Variants in KRT3 observed in about 807,000 individuals in gnomAD.
KRT3 encodes keratin 3, also known as keratin, type II cytoskeletal 3.
A neutral mutation model predicts 45.8 loss-of-function variants in KRT3; 34 were observed. The ratio of observed to expected loss-of-function variants is 0.74; its 90% CI spans 0.57 to 0.99. The LOEUF is 0.99. KRT3 is among the 50% of genes least tolerant of loss of function. The pLI is 0.00. For synonymous variants in KRT3, 367 were observed against 329.0 expected (o/e 1.12, Z -1.25); for missense variants, 828 against 820.6 (o/e 1.01, Z -0.11).
At position 52,792,351 on chromosome 12, in the gene KRT3, A is replaced by C; in HGVS notation, c.1076T>G (p.Met359Arg). ...CAGGTCCAGGGAGCGATTATTGTCC[A>C]TGGACAGCACCACAGATGTGTCACT... ...HISDTSVVLS[M>R]DNNRSLDLDS... The change falls in exon 5 of 9, where the codon ATG becomes AGG. Residue 359 changes from methionine (M) to arginine (R), a missense_variant. By Grantham distance (91) the Met-to-Arg change is moderately conservative. Coordinates refer to ENST00000417996, the MANE Select transcript of KRT3 (RefSeq NM_057088.3). 6.2e-7 allele frequency: 1 copy of C among 1,613,628 alleles called. No individual in the cohort carries two copies. Among genetic ancestry groups the C allele is most frequent in the Non-Finnish European group, 8.5e-7 (1 of 1,179,502 alleles).
intron 6 of KRT3, 102 bp from the exon 7 acceptor site, chr12:52,791,528 C>G (rs1939502503): frequency 6.9e-7 from 1 of 1,444,418 alleles, no homozygotes; most frequent in Non-Finnish European, 9.5e-7. Context: ...AACATTCCTC[C>G]TCCCCTAGTG....
chr12:52,795,874 G>C lies in KRT3; in HGVS notation c.169C>G (p.Leu57Val). 6.2e-7 allele frequency: 1 copy of C among 1,614,110 alleles called. No homozygotes were observed. ...SGAGGFGSRS[L>V]YNLGGNKSIS... ...CTCTTGTTGCCGCCCAGGTTGTAGAGGCTGCGACTGCCAAAGCCACCTGCT... is the reference window on the plus strand; with the variant it reads ...CTCTTGTTGCCGCCCAGGTTGTAGACGCTGCGACTGCCAAAGCCACCTGCT... The change falls in exon 1 of 9, where the codon CTC (leucine) becomes GTC (valine). Residue 57 changes from leucine (L) to valine (V), a missense_variant. Transcript: ENST00000417996.
At position 52,795,580 on chromosome 12, in the gene KRT3, A is replaced by G. The variant is rs760924598; in HGVS notation, c.463T>C (p.Leu155=). 1.9e-6 allele frequency: 3 copies of G among 1,607,332 alleles called. No individual in the cohort carries two copies. Among genetic ancestry groups the G allele is most frequent in the Non-Finnish European group, 2.5e-6 (3 of 1,176,512 alleles). The change falls in exon 1 of 9, where the codon TTG becomes CTG. Residue 155 remains leucine (L), a synonymous_variant. Coordinates refer to ENST00000417996, the MANE Select transcript of KRT3 (RefSeq NM_057088.3). ...GGGCCAAAGCCACCAGGACTGCCCA[A>G]GCTGCCAGGCCCACCAAAGCCACCA... ...GSGGFGGPGS[L]GSPGGFGPGG...
Position 52,789,781 on chromosome 12 carries a change from G to C in KRT3, c.*261C>G. ...TGTAGTGAGCATCCCACCCAGGGAG[G>C]GGACTCCGGGGCAGCAGAAGGTGGC... On this transcript the variant is annotated 3_prime_UTR_variant, in exon 9 of 9. Transcript: ENST00000417996. 1 of 602,596 alleles carries C rather than the reference G, an allele frequency of 1.7e-6. No individual in the cohort carries two copies. Among genetic ancestry groups the C allele is most frequent in the Non-Finnish European group, 2.9e-6 (1 of 339,590 alleles). 37.3% of individuals were successfully genotyped at this position (602,596 alleles called of 1,614,324 possible).
chr12:52,793,105 C>T, intron 3 of KRT3, 58 bp downstream of exon 3: 1 of 1,437,156 alleles, frequency 7.0e-7, no homozygotes, highest in Non-Finnish European at 9.7e-7. Flanking sequence ...GGAGATTCCC[C>T]CAACCCAGCC....
rs745496612 is a variant in KRT3 at position 52,790,367 on chromosome 12, G to A, written c.1571-9C>T. 1.8e-5 allele frequency: 29 copies of A among 1,590,966 alleles called. No individual in the cohort carries two copies. In the South Asian group the frequency reaches 3.1e-4, roughly 17 times the overall value. ...GCTGCTGCTGACCACGGCTGTGGGG[G>A]AGAGGACAGGACAGCGATCAGCGAC... On this transcript the variant is annotated splice_polypyrimidine_tract_variant and intron_variant, in intron 8 of 8. Coordinates refer to ENST00000417996, the MANE Select transcript of KRT3 (RefSeq NM_057088.3).
Position 52,792,888 on chromosome 12 carries a change from G to A in KRT3, c.928-82C>T. On this transcript the variant is annotated intron_variant, in intron 3 of 8. Transcript: ENST00000417996. ...AACTGCAGCAAGAAAGAGCAGAGGG[G>A]ACTGGTGCAGTGATGGTCCTTGTCT... 3.3e-6 allele frequency: 3 copies of A among 910,148 alleles called. No homozygotes were observed. The South Asian group carries it at 4.3e-5, about 13-fold the overall frequency. The allele number at this position is 910,148 out of a possible 1,614,324, so 56.4% of individuals were successfully genotyped here. A position where few individuals can be genotyped will look rare whatever the true frequency, so the allele number is the denominator to read the frequency against.
intron 8 of KRT3, 119 bp from the exon 9 acceptor site, chr12:52,790,477 G>A (rs1939467131): frequency 6.0e-6 from 6 of 999,534 alleles, no homozygotes. Context: ...CTTTGCACAG[G>A]ATGTTCACCA....
Position 52,795,509 on chromosome 12 carries a change from ACT to A in KRT3, c.532_533del (p.Leu179ProfsTer35). On this transcript the variant is annotated frameshift_variant, in exon 1 of 9. Coordinates refer to ENST00000417996, the MANE Select transcript of KRT3 (RefSeq NM_057088.3). LOFTEE classifies it high-confidence loss of function. Reference sequence around the variant, plus strand: ...TCTCCACATTGAGGGGCTGCAGGAGACTCTGGTTGATAGTCACTTCCTGAATT... The same window carrying A: ...TCTCCACATTGAGGGGCTGCAGGAGACTGGTTGATAGTCACTTCCTGAATT... ...GGIQEVTINQ[S>X]LLQPLNVEID... The A allele has an allele frequency of 6.2e-7, 1 of 1,613,720 alleles. No individual in the cohort carries two copies. Among genetic ancestry groups the A allele is most frequent in the Non-Finnish European group, 8.5e-7 (1 of 1,179,914 alleles).
rs771537722 is a variant in KRT3, at chr12:52,791,728, T to C, written c.1277A>G (p.Gln426Arg). ...ACCCTCGATCTCTGCCCGCAGCCTC[T>C]GGATCATTCTGTTGAGCTCTATGAT... ...SEIIELNRMI[Q>R]RLRAEIEGVK... is the part of the protein sequence containing the mutation. Residue 426 changes from glutamine (Q) to arginine (R), a missense_variant, in exon 6 of 9, where the codon CAG becomes CGG. Transcript: ENST00000417996. 1 of 1,614,142 alleles carries C rather than the reference T, an allele frequency of 6.2e-7. No individual in the cohort carries two copies. Among genetic ancestry groups the C allele is most frequent in the East Asian group, 2.2e-5 (1 of 44,882 alleles).
At chr12:52,795,350 T>C in intron 1 of KRT3, 48 bp downstream of exon 1, 2 of 1,610,012 alleles carry the variant, frequency 1.2e-6, no homozygotes, top group Non-Finnish European at 1.7e-6. Flanking sequence ...AAAGGTCAAA[T>C]TCAAAGTCCC....
At chr12:52,792,649 A>G in intron 4 of KRT3, 62 bp downstream of exon 4, 1 of 1,269,168 alleles carries the variant, frequency 7.9e-7, no homozygotes, top group Non-Finnish European at 1.2e-6. Flanking sequence ...AAAATGCACC[A>G]GCCTCAAATC....
Position 52,795,491 on chromosome 12 carries a change from A to G in KRT3, c.552T>C (p.Asn184=). The G allele has an allele frequency of 1.2e-6, 2 of 1,614,104 alleles. No individual in the cohort carries two copies. Among genetic ancestry groups the G allele is most frequent in the Non-Finnish European group, 8.5e-7 (1 of 1,180,034 alleles). The change falls in exon 1 of 9, where the codon AAT becomes AAC. Residue 184 remains asparagine, a synonymous_variant. Coordinates refer to ENST00000417996, the MANE Select transcript of KRT3 (RefSeq NM_057088.3). ...GCCCAATCTGGGGGTCGATCTCCAC[A>G]TTGAGGGGCTGCAGGAGACTCTGGT... is the stretch of plus-strand genomic sequence containing the variant. ...TINQSLLQPL[N]VEIDPQIGQV...
In KRT3 at chr12:52,791,418, G is replaced by A. The variant is rs960427199; in HGVS notation, c.1323C>T (p.Asn441=). ...CGGCCTCGGCAATGGCCGTCTGCAG[G>A]TTGGCATTCTGGGGCAAGGGAGGTA... ...EIEGVKKQNA[N]LQTAIAEAEQ... The change falls in exon 7 of 9, where the codon AAC becomes AAT. Residue 441 remains asparagine (N), a synonymous_variant. Transcript: ENST00000417996. The A allele has an allele frequency of 2.2e-5, 35 of 1,614,044 alleles. No individual in the cohort carries two copies. The highest frequency in any genetic ancestry group is 2.7e-5 in the Non-Finnish European group (32 of 1,179,996).
rs932355450 is a variant in KRT3, at chr12:52,794,164, G to A, written c.813C>T (p.Arg271=). ...CCATGTTCTTCAGCTCAGAGTCCAG[G>A]CGCCCTCTCTCCCCGAGGATGTTGT... The part of the protein sequence containing the change: ...YLDNILGERG[R]LDSELKNMED... Residue 271 remains arginine (R), a synonymous_variant, in exon 2 of 9, where the codon CGC becomes CGT. Transcript: ENST00000417996. 2 of 1,614,048 alleles carry A rather than the reference G, an allele frequency of 1.2e-6. No individual in the cohort carries two copies. The highest frequency in any genetic ancestry group is 1.3e-5 in the African/African-American group (1 of 74,924).
rs771637745 is a variant in KRT3 at position 52,794,323 on chromosome 12, G to A, written c.654C>T (p.Phe218=). 3.1e-6 allele frequency: 5 copies of A among 1,613,386 alleles called. No individual in the cohort carries two copies. In the Admixed American group the frequency reaches 6.7e-5, roughly 22 times the overall value. Residue 218 remains phenylalanine (F), a synonymous_variant, in exon 2 of 9, where the codon TTC becomes TTT. Transcript: ENST00000417996. ...KFASFIDKVR[F]LEQQNKVLET... is the part of the protein sequence containing the mutation. Reference sequence around the variant, plus strand: ...CCAGGACTTTGTTCTGTTGCTCCAGGAACCGCACCTGCAATGGTTGCAGGA... The same window carrying A: ...CCAGGACTTTGTTCTGTTGCTCCAGAAACCGCACCTGCAATGGTTGCAGGA...
intron 4 of KRT3, 48 bp downstream of exon 4, chr12:52,792,663 A>G (rs566651013): frequency 7.2e-7 from 1 of 1,383,054 alleles, no homozygotes; most frequent in African/African-American, 1.4e-5. Context: ...TCAAATCTGG[A>G]AACACCTCAC....
rs1414715906 is a variant in KRT3 at position 52,790,174 on chromosome 12, A to G, written c.1755T>C (p.Gly585=). Reference sequence around the variant, plus strand: ...CAGAGATGGAGCCAAAGCCGCTGCCACCGCTGAAACCGCTGCTGCCGCCGC... The same window carrying G: ...CAGAGATGGAGCCAAAGCCGCTGCCGCCGCTGAAACCGCTGCTGCCGCCGC... The part of the protein sequence containing the change: ...GFGGGSSGFS[G]GSGFGSISGA... The change falls in exon 9 of 9, where the codon GGT becomes GGC. Residue 585 remains glycine (G), a synonymous_variant. Coordinates refer to ENST00000417996, the MANE Select transcript of KRT3 (RefSeq NM_057088.3). 1 of 1,548,232 alleles carries G rather than the reference A, an allele frequency of 6.5e-7. No homozygotes were observed. Among genetic ancestry groups the G allele is most frequent in the South Asian group, 1.2e-5 (1 of 84,020 alleles).
rs754256275 is a variant in KRT3 at position 52,791,327 on chromosome 12, G to A, written c.1414C>T (p.Gln472Ter). The A allele has an allele frequency of 4.3e-6, 7 of 1,614,120 alleles. No homozygotes were observed. The Admixed American group carries it at 8.3e-5, about 19-fold the overall frequency. Residue 472 changes from glutamine (Q) to a stop codon, truncating the protein, a stop_gained, in exon 7 of 9, where the codon CAG (glutamine) becomes TAG (stop). Transcript: ENST00000417996. LOFTEE classifies it high-confidence loss of function. ...AKLQELQAAL[Q>*]QAKDDLARLL... ...CGCGCCAGGTCATCCTTCGCCTGCT[G>A]TAGAGCAGCCTGCAGCTCTTGGAGC...
Sources: allele counts gnomAD v4.1 joint callset, GRCh38; gene constraint gnomAD v4.1.1; transcripts MANE v1.5; gene names NCBI Gene and HGNC (gene_info 2026-07-23, HGNC 2026-07-21).